The following PCCA variants were observed in gnomAD, a reference collection of about 807,000 sequenced individuals.
PCCA encodes propionyl-CoA carboxylase subunit alpha.
PCCA carries 74 observed loss-of-function variants against 101.3 expected under a neutral mutation model. The ratio of observed to expected loss-of-function variants is 0.73; its 90% confidence interval spans 0.61 to 0.89. PCCA has a LOEUF of 0.89. PCCA is among the 40% of genes least tolerant of loss of function. The probability of loss-of-function intolerance (pLI) is 0.00; values close to 1 mark genes in which losing one functional copy is unlikely to be tolerated. For synonymous variants in PCCA, 294 were observed against 313.6 expected, an observed-to-expected ratio of 0.94 and a Z score of 0.66; for missense variants, 891 against 907.0, an observed-to-expected ratio of 0.98 and a Z score of 0.23.
intron 16 of PCCA, among the ~76,000 whole-genome samples, chr13:100,312,943 G>A (rs1047139901): frequency 2.6e-5 from 4 of 151,878 alleles, no homozygotes; most frequent in Non-Finnish European, 5.9e-5. Context: ...ATGAGAGAGG[G>A]GTTTTTCTTG....
intron 4 of PCCA, chr13:100,149,584 A>G (rs2053040277): frequency 1.3e-5 from 2 of 152,228 alleles, no homozygotes; most frequent in African/African-American, 2.4e-5. Context: ...CGGGTTATGT[A>G]AGCTGTTGCT....
intron 21 of PCCA, among the ~76,000 whole-genome samples, chr13:100,470,164 G>A (rs2082887639): frequency 6.6e-6 from 1 of 152,182 alleles, no homozygotes; most frequent in Non-Finnish European, 1.5e-5. Context: ...CTATCGGGGT[G>A]AACACGTCAA....
chr13:100,122,662 T>G (rs1350675815), intron 4 of PCCA, among the ~76,000 whole-genome samples: 1 of 152,216 alleles, frequency 6.6e-6, no homozygotes, highest in Non-Finnish European at 1.5e-5. Flanking sequence ...TCCTCTTTCA[T>G]TCCTAAATTT....
intron 6 of PCCA, among the ~76,000 whole-genome samples, chr13:100,185,600 G>T (rs2057184299): frequency 6.6e-6 from 1 of 151,640 alleles, no homozygotes. Flanking sequence ...GCCTGCCTTG[G>T]CGCCTCCCAA....
chr13:100,156,573 A>G (rs112253632), intron 5 of PCCA, among the ~76,000 whole-genome samples: 2,569 of 152,302 alleles, frequency 0.017, 82 homozygotes, highest in African/African-American at 0.059. Flanking sequence ...AGATTGTAGC[A>G]ATGTGGCTTG....
At chr13:100,458,785 A>AT (rs1163220120) in intron 21 of PCCA, among the ~76,000 whole-genome samples, 1 of 152,174 alleles carries the variant, frequency 6.6e-6, no homozygotes, top group Non-Finnish European at 1.5e-5. Context: ...CTGGGTGTAC[A>AT]TACAAGTACT....
At chr13:100,176,988 G>A (rs192851727) in intron 6 of PCCA, among the ~76,000 whole-genome samples, 10 of 152,236 alleles carry the variant, frequency 6.6e-5, no homozygotes, top group Non-Finnish European at 1.2e-4. Context: ...CTGGTAAATC[G>A]CTTGCAAATT....
chr13:100,242,403 C>T (rs576291116), intron 8 of PCCA, among the ~76,000 whole-genome samples: 3 of 152,096 alleles, frequency 2.0e-5, no homozygotes, highest in East Asian at 1.9e-4. Context: ...TAAACATTGA[C>T]GGAATTGAAG....
intron 4 of PCCA, 122 bp downstream of exon 4, chr13:100,112,183 T>C: frequency 1.4e-6 from 1 of 711,222 alleles, no homozygotes; most frequent in Non-Finnish European, 2.5e-6. Flanking sequence ...AACTGTTTAC[T>C]TGTTCACTGT....
chr13:100,210,704 A>G (rs1189721664), intron 7 of PCCA, among the ~76,000 whole-genome samples: 2 of 152,182 alleles, frequency 1.3e-5, no homozygotes, highest in African/African-American at 4.8e-5. Flanking sequence ...TAGAGTTTTA[A>G]CCTTGCGATT....
chr13:100,526,332 T>G (rs2087811382), intron 22 of PCCA, among the ~76,000 whole-genome samples: 1 of 152,216 alleles, frequency 6.6e-6, no homozygotes. Flanking sequence ...GGGCAGCGCT[T>G]CCAGGCCCAG....
intron 4 of PCCA, among the ~76,000 whole-genome samples, chr13:100,127,434 T>G (rs1470132993): frequency 1.3e-5 from 2 of 152,224 alleles, no homozygotes; most frequent in Non-Finnish European, 2.9e-5. Flanking sequence ...TATTTTATAA[T>G]TTCTGGTAAA....
chr13:100,337,655 G>T (rs183735153), intron 17 of PCCA, among the ~76,000 whole-genome samples: 2 of 152,260 alleles, frequency 1.3e-5, no homozygotes, highest in Admixed American at 1.3e-4. Context: ...GATGAATGAT[G>T]GTCCATTTTA....
chr13:100,110,340 A>G (rs969194699), intron 2 of PCCA, among the ~76,000 whole-genome samples: 2 of 152,184 alleles, frequency 1.3e-5, no homozygotes, highest in Non-Finnish European at 2.9e-5. Flanking sequence ...GTTTTGAAAA[A>G]CGATTAGCTT....
At chr13:100,414,975 A>T (rs2078268852) in intron 19 of PCCA, among the ~76,000 whole-genome samples, 1 of 152,212 alleles carries the variant, frequency 6.6e-6, no homozygotes, top group Non-Finnish European at 1.5e-5. Context: ...ACTTAAGTGA[A>T]ATACTCTAAG....
chr13:100,403,650 T>C (rs2077500722), intron 19 of PCCA, among the ~76,000 whole-genome samples: 1 of 152,084 alleles, frequency 6.6e-6, no homozygotes, highest in Non-Finnish European at 1.5e-5. Context: ...GGGTTCTTTG[T>C]CCCATGGCCA....
intron 21 of PCCA, among the ~76,000 whole-genome samples, chr13:100,509,694 C>A (rs2086332957): frequency 6.6e-6 from 1 of 152,086 alleles, no homozygotes; most frequent in African/African-American, 2.4e-5. Context: ...GTGTTAAAAT[C>A]GTTGTTTTAA....
At chr13:100,526,739 C>T (rs375834460) in intron 22 of PCCA, among the ~76,000 whole-genome samples, 26 of 152,244 alleles carry the variant, frequency 1.7e-4, no homozygotes, top group South Asian at 1.2e-3. Context: ...GCTGACCCAT[C>T]GGGGCAGAGC....
chr13:100,107,485 C>G (rs1166680873), intron 2 of PCCA, among the ~76,000 whole-genome samples: 1 of 151,914 alleles, frequency 6.6e-6, no homozygotes, highest in African/African-American at 2.4e-5. Flanking sequence ...ACCGAGAGTT[C>G]CATATCAACC....
Sources: gnomAD v4.1 joint callset for allele counts (sites outside exome capture counted in the v4.1 genomes callset) on GRCh38, gnomAD v4.1.1 for gene constraint, MANE v1.5 for transcripts, NCBI Gene and HGNC (gene_info 2026-07-23, HGNC 2026-07-21) for gene names.